Variants in RPN2 observed in about 807,000 individuals in gnomAD.
RPN2 encodes ribophorin II.
Under a neutral mutation model 71.4 loss-of-function variants are expected in RPN2, and 29 were observed. The observed-to-expected ratio is 0.41, with a 90% CI of 0.30 to 0.55. The LOEUF is 0.55. Ranked by LOEUF, RPN2 falls within the 20% of genes least tolerant of loss-of-function variation. The pLI is 0.35. For missense variants in RPN2, 726 were observed against 774.1 expected (o/e 0.94, Z 0.74); for synonymous variants, 308 against 305.0 (o/e 1.01, Z -0.10).
At position 37,207,332 on chromosome 20, in the gene RPN2, C is replaced by T. The variant is rs775752023; in HGVS notation, c.750C>T (p.Ser250=). 2.0e-5 allele frequency: 33 copies of T among 1,613,916 alleles called. No individual in the cohort carries two copies. The highest frequency in any genetic ancestry group is 1.1e-4 in the South Asian group (10 of 91,084). ...GCAAGAAGAACTTTGAGTCCCTCTC[C>T]GAAGCCTTCAGCGTGGCCTCTGCAG... The part of the protein sequence containing the change: ...IFSKKNFESL[S]EAFSVASAAA... The change falls in exon 7 of 17, where the codon TCC becomes TCT. Residue 250 remains serine (S), a synonymous_variant. Transcript: ENST00000237530.
Position 37,198,443 on chromosome 20 carries a change from A to G in RPN2, c.254A>G (p.Asp85Gly), listed in dbSNP as rs760804350. The stretch of plus-strand genomic sequence containing the variant: ...TCTAACCTTGATCCCAGCAATGTGG[A>G]TTCCCTCTTCTACGCTGCCCAGGCC... ...IRSNLDPSNV[D>G]SLFYAAQASQ... The change falls in exon 3 of 17, where the codon GAT becomes GGT. Residue 85 changes from aspartate to glycine, a missense_variant. Physicochemically the swap from Asp to Gly is moderately conservative, Grantham distance 94 (BLOSUM62 -1). Coordinates refer to ENST00000237530, the MANE Select transcript of RPN2 (RefSeq NM_002951.5). 3.5e-5 allele frequency: 57 copies of G among 1,614,092 alleles called. No homozygotes were observed. The highest frequency in any genetic ancestry group is 4.7e-5 in the Non-Finnish European group (55 of 1,180,042).
intron 8 of RPN2, among the ~76,000 whole-genome samples, chr20:37,210,411 T>G (rs1207874900): frequency 2.0e-5 from 3 of 152,190 alleles, no homozygotes; most frequent in Non-Finnish European, 2.9e-5. Flanking sequence ...AAATTTAATA[T>G]TTATTGATTT....
intron 4 of RPN2, among the ~76,000 whole-genome samples, chr20:37,202,619 A>G (rs2067418227): frequency 6.6e-6 from 1 of 152,248 alleles, no homozygotes; most frequent in African/African-American, 2.4e-5. Context: ...GTATTAAGAT[A>G]ATAGAATCTA....
At chr20:37,220,244 G>A (rs1008605827) in intron 9 of RPN2, among the ~76,000 whole-genome samples, 7 of 151,948 alleles carry the variant, frequency 4.6e-5, no homozygotes, top group East Asian at 1.9e-4. Flanking sequence ...GACCTTTGCC[G>A]TATATGCAAC....
intron 4 of RPN2, among the ~76,000 whole-genome samples, chr20:37,202,645 A>T (rs764148488): frequency 2.3e-4 from 35 of 152,368 alleles, no homozygotes; most frequent in Non-Finnish European, 4.1e-4. Flanking sequence ...TCTTACATGT[A>T]TACATCTATC....
At chr20:37,198,533 T>C in intron 3 of RPN2, 41 bp downstream of exon 3, 2 of 1,613,894 alleles carry the variant, frequency 1.2e-6, no homozygotes, top group Non-Finnish European at 1.7e-6. Context: ...TTTAACTATT[T>C]AAAGTACATT....
intron 3 of RPN2, 55 bp downstream of exon 3, chr20:37,198,547 A>C (rs976984254): frequency 1.2e-6 from 2 of 1,613,030 alleles, no homozygotes; most frequent in African/African-American, 2.7e-5. Context: ...GTACATTTTT[A>C]AAGGGGAGGA....
Position 37,236,573 on chromosome 20 carries a change from C to T in RPN2, c.1754-7C>T. The T allele has an allele frequency of 6.2e-7, 1 of 1,614,088 alleles. No homozygotes were observed. Among genetic ancestry groups the T allele is most frequent in the Non-Finnish European group, 8.5e-7 (1 of 1,179,970 alleles). ...TTAATTGGATGTCATGACACCTCTT[C>T]TTGCAGCTATGCTGGGACTCATGTA... On this transcript the variant is annotated splice_region_variant and splice_polypyrimidine_tract_variant and intron_variant, in intron 15 of 16. Coordinates refer to ENST00000237530, the MANE Select transcript of RPN2 (RefSeq NM_002951.5).
At chr20:37,229,773 A>G in intron 12 of RPN2, 200 bp from the exon 13 acceptor site, 1 of 623,494 alleles carries the variant, frequency 1.6e-6, no homozygotes, top group Non-Finnish European at 2.9e-6. Flanking sequence ...GTCTTGCTCT[A>G]AAAAGCATTT....
chr20:37,225,655 T>C, intron 10 of RPN2, 33 bp from the exon 11 acceptor site: 1 of 1,411,166 alleles, frequency 7.1e-7, no homozygotes, highest in Non-Finnish European at 1.0e-6. Context: ...ATACTGATCC[T>C]CTCTGAAGAC....
At chr20:37,184,577 G>A (rs1256594297) in intron 2 of RPN2, among the ~76,000 whole-genome samples, 1 of 152,192 alleles carries the variant, frequency 6.6e-6, no homozygotes, top group Non-Finnish European at 1.5e-5. Flanking sequence ...TGGATCACGA[G>A]GTCAGGAGTT....
At chr20:37,197,101 G>A (rs764335199) in intron 2 of RPN2, among the ~76,000 whole-genome samples, 5 of 152,158 alleles carry the variant, frequency 3.3e-5, no homozygotes, top group African/African-American at 4.8e-5. Context: ...GTCAAATGGC[G>A]AGAGCGTGGT....
At chr20:37,208,028 T>TTGGGAGACTGC (rs1230413317) in intron 7 of RPN2, among the ~76,000 whole-genome samples, 2 of 152,050 alleles carry the variant, frequency 1.3e-5, no homozygotes, top group Non-Finnish European at 2.9e-5. Flanking sequence ...TCCCAGCACT[T>TTGGGAGACTGC]TGGGAGACTG....
intron 1 of RPN2, among the ~76,000 whole-genome samples, chr20:37,182,569 T>G (rs955510864): frequency 3.3e-5 from 5 of 152,058 alleles, no homozygotes; most frequent in African/African-American, 7.2e-5. Flanking sequence ...TTTTGTATTT[T>G]CTTTTTTGTA....
At chr20:37,215,523 CT>C (rs910523280) in intron 9 of RPN2, among the ~76,000 whole-genome samples, 5 of 152,030 alleles carry the variant, frequency 3.3e-5, no homozygotes, top group Admixed American at 1.3e-4. Context: ...AAGGAAAGTT[CT>C]TTTTTTCTTT....
intron 7 of RPN2, among the ~76,000 whole-genome samples, chr20:37,208,853 C>A (rs2067584044): frequency 6.6e-6 from 1 of 152,230 alleles, no homozygotes; most frequent in African/African-American, 2.4e-5. Context: ...ACAGTTCTGT[C>A]TGTCCCATTA....
At chr20:37,217,599 A>AT (rs1041859966) in intron 9 of RPN2, among the ~76,000 whole-genome samples, 15 of 150,882 alleles carry the variant, frequency 9.9e-5, no homozygotes, top group African/African-American at 3.4e-4. Flanking sequence ...CCTAAATCTT[A>AT]TTTTTTCAGT....
At chr20:37,180,873 G>T (rs1234643427) in intron 1 of RPN2, among the ~76,000 whole-genome samples, 1 of 152,144 alleles carries the variant, frequency 6.6e-6, no homozygotes, top group East Asian at 1.9e-4. Flanking sequence ...ACACAGTATT[G>T]TTTATTCTCA....
chr20:37,182,727 G>A (rs2066914483), intron 1 of RPN2, among the ~76,000 whole-genome samples: 2 of 152,110 alleles, frequency 1.3e-5, no homozygotes, highest in South Asian at 2.1e-4. Flanking sequence ...TCTAGTTCAA[G>A]CTTAATTTAA....
Sources: allele counts gnomAD v4.1 joint callset (sites outside exome capture counted in the v4.1 genomes callset), GRCh38; gene constraint gnomAD v4.1.1; transcripts MANE v1.5; gene names NCBI Gene and HGNC (gene_info 2026-07-23, HGNC 2026-07-21).